The following EYS variants were observed in gnomAD, a reference collection of about 807,000 sequenced individuals.
The protein encoded by EYS is EGF-like photoreceptor maintenance factor.
Under a neutral mutation model 282.1 loss-of-function variants are expected in EYS, and 250 were observed. The observed-to-expected ratio is 0.89, with a 90% CI of 0.80 to 0.98. The LOEUF (loss-of-function observed/expected upper bound fraction) is 0.98, where lower values mean the gene tolerates loss of function less well. Ranked by LOEUF, EYS falls within the 50% of genes least tolerant of loss-of-function variation. The probability of loss-of-function intolerance (pLI) is 0.00; values close to 1 mark genes in which losing one functional copy is unlikely to be tolerated. For synonymous variants in EYS, 1,355 were observed against 1,282.9 expected, an observed-to-expected ratio of 1.06 and a Z score of -1.20; for missense variants, 4,016 against 3,709.0, an observed-to-expected ratio of 1.08 and a Z score of -2.15.
In EYS at chr6:64,593,329, TAATTA is replaced by T; in HGVS notation, c.3685-25_3685-21del. On this transcript the variant is annotated intron_variant, in intron 24 of 42. Coordinates refer to ENST00000503581, the MANE Select transcript of EYS (RefSeq NM_001142800.2). The stretch of plus-strand genomic sequence containing the variant: ...GCAGGTCTGCAAATGACAATTACAG[TAATTA>T]AATTAAGCTCAGTTTCTTTGTTCCT... 2 of 1,520,828 alleles carry T rather than the reference TAATTA, an allele frequency of 1.3e-6. No homozygotes were observed. Among genetic ancestry groups the T allele is most frequent in the Non-Finnish European group, 1.8e-6 (2 of 1,129,314 alleles). The allele number at this position is 1,520,828 out of a possible 1,614,324, so 94.2% of individuals were successfully genotyped here.
intron 22 of EYS, among the ~76,000 whole-genome samples, chr6:64,795,147 A>C (rs986663206): frequency 6.6e-6 from 1 of 152,012 alleles, no homozygotes; most frequent in Non-Finnish European, 1.5e-5. Flanking sequence ...AGGCAGAAGA[A>C]TCGCTAGAAC....
At chr6:65,410,424 G>A (rs1174295937) in intron 5 of EYS, among the ~76,000 whole-genome samples, 6 of 151,824 alleles carry the variant, frequency 4.0e-5, no homozygotes, top group African/African-American at 9.7e-5. Context: ...TCTTCTAGCC[G>A]TTTTGTAATA....
intron 5 of EYS, among the ~76,000 whole-genome samples, chr6:65,412,797 T>C (rs1186191527): frequency 6.6e-6 from 1 of 152,128 alleles, no homozygotes; most frequent in African/African-American, 2.4e-5. Flanking sequence ...TAACATGGTA[T>C]TTCTAGAAAA....
chr6:64,835,148 T>A (rs1765343759), intron 19 of EYS, among the ~76,000 whole-genome samples: 1 of 151,800 alleles, frequency 6.6e-6, no homozygotes, highest in South Asian at 2.1e-4. Flanking sequence ...TACTCCCATC[T>A]TTTTTATTTC....
intron 22 of EYS, among the ~76,000 whole-genome samples, chr6:64,765,100 A>G (rs1013555645): frequency 3.9e-5 from 6 of 152,206 alleles, no homozygotes; most frequent in Admixed American, 2.0e-4. Flanking sequence ...ATATGAGCAT[A>G]TACTCTTAGA....
chr6:65,609,070 T>A (rs1416661674), intron 2 of EYS, among the ~76,000 whole-genome samples: 1 of 152,036 alleles, frequency 6.6e-6, no homozygotes, highest in Non-Finnish European at 1.5e-5. Context: ...CACAAATCAA[T>A]AACATAATCT....
chr6:64,463,955 T>C (rs1490867328), intron 26 of EYS, among the ~76,000 whole-genome samples: 1 of 152,186 alleles, frequency 6.6e-6, no homozygotes, highest in Non-Finnish European at 1.5e-5. Context: ...ATTATCCCAT[T>C]ACCCTTATAT....
At chr6:65,028,520 G>A (rs921601836) in intron 13 of EYS, among the ~76,000 whole-genome samples, 7 of 151,914 alleles carry the variant, frequency 4.6e-5, no homozygotes, top group African/African-American at 1.4e-4. Flanking sequence ...AAAATTTGCT[G>A]AGAGTAGATT....
At chr6:65,365,394 T>G (rs1218273555) in intron 8 of EYS, among the ~76,000 whole-genome samples, 1 of 151,602 alleles carries the variant, frequency 6.6e-6, no homozygotes, top group Non-Finnish European at 1.5e-5. Flanking sequence ...TAGAAAATAT[T>G]AACCTGTGGA....
At chr6:64,579,668 G>A (rs1765997540) in intron 26 of EYS, among the ~76,000 whole-genome samples, 1 of 151,992 alleles carries the variant, frequency 6.6e-6, no homozygotes, top group African/African-American at 2.4e-5. Flanking sequence ...ATTGGCTTAG[G>A]TCCTCTGCTT....
intron 24 of EYS, among the ~76,000 whole-genome samples, chr6:64,598,828 AC>A (rs1163920130): frequency 6.6e-6 from 1 of 152,242 alleles, no homozygotes; most frequent in Admixed American, 6.5e-5. Flanking sequence ...TGATTTTAAG[AC>A]AAAATATCCC....
intron 12 of EYS, among the ~76,000 whole-genome samples, chr6:65,199,970 T>C (rs1765860508): frequency 6.6e-6 from 1 of 151,622 alleles, no homozygotes; most frequent in Non-Finnish European, 1.5e-5. Context: ...AAACAGATTA[T>C]ATTGGGGTTT....
intron 2 of EYS, among the ~76,000 whole-genome samples, chr6:65,573,748 T>G (rs562327211): frequency 2.1e-4 from 32 of 152,176 alleles, no homozygotes; most frequent in Non-Finnish European, 4.4e-4. Context: ...GCCCATGCTT[T>G]GAACATCAGC....
chr6:63,782,892 A>T (rs1770269538), intron 39 of EYS, among the ~76,000 whole-genome samples: 1 of 148,636 alleles, frequency 6.7e-6, no homozygotes, highest in South Asian at 2.1e-4. Context: ...GCATTTAGCC[A>T]ACCATTTGAC....
chr6:65,106,428 T>A (rs1775040475), intron 12 of EYS, among the ~76,000 whole-genome samples: 1 of 152,068 alleles, frequency 6.6e-6, no homozygotes. Flanking sequence ...ATGTCTTAAA[T>A]ACATAATTAT....
chr6:65,506,994 G>T (rs953792810), intron 2 of EYS, among the ~76,000 whole-genome samples: 4 of 152,066 alleles, frequency 2.6e-5, no homozygotes, highest in African/African-American at 7.2e-5. Context: ...ATAAGGAAAA[G>T]AAGGCATTTT....
At chr6:64,923,365 C>T (rs2150082891) in intron 15 of EYS, among the ~76,000 whole-genome samples, 1 of 152,248 alleles carries the variant, frequency 6.6e-6, no homozygotes, top group East Asian at 1.9e-4. Context: ...GATTCAATTA[C>T]CTCCCCCTGG....
intron 31 of EYS, among the ~76,000 whole-genome samples, chr6:64,169,762 A>G (rs1764419900): frequency 6.6e-6 from 1 of 152,100 alleles, no homozygotes; most frequent in Admixed American, 6.5e-5. Context: ...TCTGCTAAAT[A>G]TATGGATAGC....
intron 18 of EYS, among the ~76,000 whole-genome samples, chr6:64,889,470 C>G (rs777889491): frequency 2.0e-5 from 3 of 151,750 alleles, no homozygotes; most frequent in Admixed American, 6.6e-5. Flanking sequence ...CCTTTTGAAC[C>G]CTTTGTTAGT....
Sources: gnomAD v4.1 joint callset for allele counts (sites outside exome capture counted in the v4.1 genomes callset) on GRCh38, gnomAD v4.1.1 for gene constraint, MANE v1.5 for transcripts, NCBI Gene and HGNC (gene_info 2026-07-23, HGNC 2026-07-21) for gene names.